Variants in CTNNA2 observed in about 807,000 individuals in gnomAD.
The protein encoded by CTNNA2 is catenin alpha-2.
Under a neutral mutation model 101.0 loss-of-function variants are expected in CTNNA2, and 42 were observed. The ratio of observed to expected loss-of-function variants is 0.42; its 90% CI spans 0.32 to 0.54. CTNNA2 has a LOEUF of 0.54. CTNNA2 is among the 20% of genes least tolerant of loss of function. The pLI, the probability that CTNNA2 is intolerant of heterozygous loss-of-function variation, is 0.14. For missense variants in CTNNA2, 871 were observed against 1,223.1 expected (o/e 0.71, Z 4.29); for synonymous variants, 450 against 456.4 (o/e 0.99, Z 0.18).
At chr2:79,692,645 CTG>C (rs1684381910) in intron 2 of CTNNA2, among the ~76,000 whole-genome samples, 1 of 151,962 alleles carries the variant, frequency 6.6e-6, no homozygotes, top group African/African-American at 2.4e-5. Flanking sequence ...CATTGATAGA[CTG>C]GATAAAGAAA....
chr2:80,489,490 G>A (rs1686866599), intron 9 of CTNNA2, among the ~76,000 whole-genome samples: 1 of 152,126 alleles, frequency 6.6e-6, no homozygotes, highest in South Asian at 2.1e-4. Context: ...AGATCATCCT[G>A]AACATATTAG....
intron 2 of CTNNA2, among the ~76,000 whole-genome samples, chr2:79,707,372 T>A (rs1430939880): frequency 6.6e-6 from 1 of 152,144 alleles, no homozygotes; most frequent in African/African-American, 2.4e-5. Flanking sequence ...CAGGTGTGTG[T>A]TTTTCTGAGG....
At chr2:80,509,553 A>G (rs892390873) in intron 9 of CTNNA2, among the ~76,000 whole-genome samples, 10 of 152,162 alleles carry the variant, frequency 6.6e-5, no homozygotes, top group African/African-American at 2.4e-4. Context: ...TCTGTCTAAG[A>G]GTGTGCTAGG....
At chr2:79,883,834 A>G (rs1683637369) in intron 6 of CTNNA2, among the ~76,000 whole-genome samples, 1 of 152,164 alleles carries the variant, frequency 6.6e-6, no homozygotes, top group South Asian at 2.1e-4. Flanking sequence ...ATGCTTCAAC[A>G]TCTCAAAGAT....
chr2:80,084,314 A>T (rs1324693621), intron 7 of CTNNA2, among the ~76,000 whole-genome samples: 1 of 152,166 alleles, frequency 6.6e-6, no homozygotes, highest in Non-Finnish European at 1.5e-5. Flanking sequence ...GACATTTCTG[A>T]TAGATGTCCT....
intron 7 of CTNNA2, among the ~76,000 whole-genome samples, chr2:80,392,803 T>C (rs1677642070): frequency 1.3e-5 from 2 of 152,216 alleles, no homozygotes; most frequent in African/African-American, 2.4e-5. Flanking sequence ...TTACTTAAAA[T>C]CTTTTTCGAT....
intron 7 of CTNNA2, among the ~76,000 whole-genome samples, chr2:80,087,053 A>G (rs964519946): frequency 3.3e-5 from 5 of 152,000 alleles, no homozygotes; most frequent in Middle Eastern, 6.3e-3. Flanking sequence ...TATAAGACAG[A>G]CCAGATACCA....
At chr2:79,586,055 T>C (rs1392994133) in intron 1 of CTNNA2, among the ~76,000 whole-genome samples, 1 of 152,156 alleles carries the variant, frequency 6.6e-6, no homozygotes, top group East Asian at 1.9e-4. Flanking sequence ...AAAGTGTCGA[T>C]GTTAGTCTGA....
At chr2:79,941,131 G>A (rs1312964599) in intron 7 of CTNNA2, among the ~76,000 whole-genome samples, 4 of 152,148 alleles carry the variant, frequency 2.6e-5, no homozygotes, top group African/African-American at 9.7e-5. Flanking sequence ...CATTGCTCTC[G>A]TGTTTGACTT....
intron 7 of CTNNA2, among the ~76,000 whole-genome samples, chr2:79,976,273 C>T (rs1690834383): frequency 6.6e-6 from 1 of 152,100 alleles, no homozygotes; most frequent in South Asian, 2.1e-4. Flanking sequence ...TTTTTGCTTG[C>T]CATTCCTCAC....
At chr2:79,233,563 A>C (rs985322726) in intron 2 of CTNNA2, among the ~76,000 whole-genome samples, 5 of 152,196 alleles carry the variant, frequency 3.3e-5, no homozygotes, top group African/African-American at 1.2e-4. Flanking sequence ...GATGTCTATT[A>C]GGTCCAATTG....
At chr2:79,653,230 T>C (rs11885911) in intron 2 of CTNNA2, among the ~76,000 whole-genome samples, 7,760 of 152,228 alleles carry the variant, frequency 0.051, 543 homozygotes, top group African/African-American at 0.15. Context: ...TATTTCTTCA[T>C]TTTCATGAAG....
intron 7 of CTNNA2, among the ~76,000 whole-genome samples, chr2:80,223,190 AAC>A (rs1249646180): frequency 5.9e-5 from 9 of 152,224 alleles, no homozygotes; most frequent in African/African-American, 1.7e-4. Flanking sequence ...CTCAGGATGT[AAC>A]AGAGGCTTTC....
At chr2:79,772,699 G>C (rs1673678121) in intron 3 of CTNNA2, among the ~76,000 whole-genome samples, 1 of 152,098 alleles carries the variant, frequency 6.6e-6, no homozygotes, top group Non-Finnish European at 1.5e-5. Context: ...AGTCACCAGA[G>C]TAGCTAGGAC....
intron 1 of CTNNA2, among the ~76,000 whole-genome samples, chr2:79,617,549 T>G (rs1678706781): frequency 2.6e-5 from 4 of 152,352 alleles, no homozygotes; most frequent in South Asian, 4.1e-4. Flanking sequence ...GTCTATGTGA[T>G]TCTGTTTAAT....
Position 79,186,620 on chromosome 2 carries a change from C to T in CTNNA2, c.-524+1189C>T, listed in dbSNP as rs183383136. ...ACAATGAAAGACCTGTATCCAGGGC[C>T]ACAGCCATGAGGCTGATTCCTTTCT... On this transcript the variant is annotated intron_variant, in intron 1 of 21. Coordinates refer to the CTNNA2 transcript ENST00000466387. Among the ~76,000 whole-genome samples the T allele has an allele frequency of 1.7e-3, 254 of 152,358 alleles. 1 individual carries two copies. Among genetic ancestry groups the T allele is most frequent in the African/African-American group, 6.0e-3 (248 of 41,582 alleles).
chr2:79,858,972 G>T (rs1681369044), intron 4 of CTNNA2, among the ~76,000 whole-genome samples: 1 of 151,124 alleles, frequency 6.6e-6, no homozygotes, highest in Admixed American at 6.6e-5. Flanking sequence ...GTATCTAGTT[G>T]CAACAAGGAT....
intron 2 of CTNNA2, among the ~76,000 whole-genome samples, chr2:79,257,552 A>G (rs1674864286): frequency 6.6e-6 from 1 of 152,088 alleles, no homozygotes; most frequent in South Asian, 2.1e-4. Flanking sequence ...ATATTGAAAA[A>G]TGAGCAGGAT....
chr2:79,305,723 T>C (rs1335053382), intron 2 of CTNNA2, among the ~76,000 whole-genome samples: 2 of 152,062 alleles, frequency 1.3e-5, no homozygotes, highest in Non-Finnish European at 2.9e-5. Flanking sequence ...ATTTAGAACA[T>C]TTCTTTGGGA....
Sources: allele counts gnomAD v4.1 joint callset (sites outside exome capture counted in the v4.1 genomes callset), GRCh38; gene constraint gnomAD v4.1.1; transcripts MANE v1.5; gene names NCBI Gene and HGNC (gene_info 2026-07-23, HGNC 2026-07-21).